The following BROX variants were observed in gnomAD, a reference collection of about 807,000 sequenced individuals.
BROX encodes BRO1 domain-containing protein BROX.
A neutral mutation model predicts 61.0 loss-of-function variants in BROX; 53 were observed. The observed-to-expected ratio is 0.87, with a 90% CI of 0.70 to 1.09. BROX has a LOEUF of 1.09. Ranked by LOEUF, BROX falls within the 50% of genes least tolerant of loss-of-function variation. BROX has a pLI of 0.00. For missense variants in BROX, 489 were observed against 472.0 expected, an observed-to-expected ratio of 1.04 and a Z score of -0.33; for synonymous variants, 152 against 160.2, an observed-to-expected ratio of 0.95 and a Z score of 0.38.
chr1:222,723,642 A>G (rs962136707), intron 5 of BROX, among the ~76,000 whole-genome samples: 1 of 152,182 alleles, frequency 6.6e-6, no homozygotes, highest in Non-Finnish European at 1.5e-5. Context: ...TACATTTCAT[A>G]TGCATTTGCT....
chr1:222,729,271 A>G (rs1296971201), intron 9 of BROX, among the ~76,000 whole-genome samples: 1 of 152,214 alleles, frequency 6.6e-6, no homozygotes, highest in African/African-American at 2.4e-5. Context: ...ATATCATATG[A>G]GAGATCATCA....
At chr1:222,714,412 A>G (rs1280944000) in intron 1 of BROX, among the ~76,000 whole-genome samples, 1 of 149,230 alleles carries the variant, frequency 6.7e-6, no homozygotes, top group African/African-American at 2.5e-5. Flanking sequence ...GTTAGCCAGG[A>G]TGGTCTCGAT....
At position 222,730,173 on chromosome 1, in the gene BROX, T is replaced by A. The variant is rs758606127; in HGVS notation, c.985T>A (p.Phe329Ile). The A allele has an allele frequency of 1.3e-6, 2 of 1,596,472 alleles. No individual in the cohort carries two copies. The highest frequency in any genetic ancestry group is 3.4e-5 in the Admixed American group (2 of 58,964). Residue 329 changes from phenylalanine (F) to isoleucine (I), a missense_variant, in exon 11 of 13, where the codon TTT becomes ATT. Physicochemically the swap from Phe to Ile is conservative, Grantham distance 21. Coordinates refer to ENST00000340934, the MANE Select transcript of BROX (RefSeq NM_144695.4). ...TLEKCQRENGFIYFQKIPTEA... is the reference protein window; with the variant it reads ...TLEKCQRENGIIYFQKIPTEA... The stretch of plus-strand genomic sequence containing the variant: ...AGAAAAATGTCAGAGAGAAAATGGA[T>A]TTATGTGAGTACAGTTTAATATTAC...
At chr1:222,715,214 TC>T (rs2124992240) in intron 1 of BROX, 1 of 152,346 alleles carries the variant, frequency 6.6e-6, no homozygotes, top group East Asian at 1.9e-4. Flanking sequence ...GCATCTCAGG[TC>T]CTGCCCCAGG....
At chr1:222,730,353 T>C (rs1178315759) in intron 11 of BROX, among the ~76,000 whole-genome samples, 176 bp downstream of exon 11, 1 of 152,174 alleles carries the variant, frequency 6.6e-6, no homozygotes, top group Non-Finnish European at 1.5e-5. Flanking sequence ...CCCAGCACTC[T>C]GGGAGGTCAA....
Position 222,718,939 on chromosome 1 carries a change from C to T in BROX, c.116C>T (p.Ser39Phe). The change falls in exon 3 of 13, where the codon TCC becomes TTC. Residue 39 changes from serine to phenylalanine, a missense_variant. Coordinates refer to ENST00000340934, the MANE Select transcript of BROX (RefSeq NM_144695.4). ...ASKICNDLRS[S>F]RARLLELFTD... is the part of the protein sequence containing the mutation. ...TCTCTTATAAGTGACTTGAGGTCAT[C>T]CAGGGCACGACTCCTTGAACTGTTC... is the stretch of plus-strand genomic sequence containing the variant. The T allele has an allele frequency of 6.2e-7, 1 of 1,613,596 alleles. No homozygotes were observed. Among genetic ancestry groups the T allele is most frequent in the Non-Finnish European group, 8.5e-7 (1 of 1,179,696 alleles).
Position 222,728,788 on chromosome 1 carries a change from G to A in BROX, c.716G>A (p.Arg239Lys), listed in dbSNP as rs1657710326. The A allele has an allele frequency of 6.2e-7, 1 of 1,602,452 alleles. No homozygotes were observed. Among genetic ancestry groups the A allele is most frequent in the African/African-American group, 1.3e-5 (1 of 74,788 alleles). Residue 239 changes from arginine (R) to lysine (K), a missense_variant, in exon 9 of 13, where the codon AGA becomes AAA. Physicochemically the swap from Arg to Lys is conservative, Grantham distance 26. Transcript: ENST00000340934. ...SLEPAYSAKWRKYLHLKMCFY... is the reference protein window; with the variant it reads ...SLEPAYSAKWKKYLHLKMCFY... ...GAGCCTGCATATTCTGCCAAATGGAGAAAATATCTTCACTTGAAGATGTGT... is the reference window on the plus strand; with the variant it reads ...GAGCCTGCATATTCTGCCAAATGGAAAAAATATCTTCACTTGAAGATGTGT...
chr1:222,730,038 G>T lies in BROX; in HGVS notation c.850G>T (p.Ala284Ser). ...LQEAEKLYAKAEALCKEYGET... is the reference protein window; with the variant it reads ...LQEAEKLYAKSEALCKEYGET... ...TCTTTCACATGCAGTGTATGCAAAG[G>T]CAGAAGCACTGTGTAAAGAATATGG... The change falls in exon 11 of 13, where the codon GCA (alanine) becomes TCA (serine). Residue 284 changes from alanine to serine, a missense_variant. Coordinates refer to ENST00000340934, the MANE Select transcript of BROX (RefSeq NM_144695.4). The T allele has an allele frequency of 6.2e-7, 1 of 1,606,392 alleles. No homozygotes were observed. The highest frequency in any genetic ancestry group is 8.5e-7 in the Non-Finnish European group (1 of 1,177,566).
At chr1:222,725,590 A>G (rs1216694178) in intron 7 of BROX, 35 bp downstream of exon 7, 3 of 1,497,170 alleles carry the variant, frequency 2.0e-6, no homozygotes, top group Admixed American at 3.8e-5. Flanking sequence ...TTTAAATGAA[A>G]GTCTATATTG....
At chr1:222,713,183 T>A in intron 1 of BROX, 1 of 973,068 alleles carries the variant, frequency 1.0e-6, no homozygotes, top group Non-Finnish European at 1.2e-6. Flanking sequence ...CCATTGGTCA[T>A]TGGAGAGCTT....
intron 8 of BROX, 124 bp from the exon 9 acceptor site, chr1:222,728,619 T>A (rs1240329598): frequency 5.6e-6 from 3 of 532,494 alleles, no homozygotes; most frequent in East Asian, 2.9e-5. Context: ...TAAAAAAAAA[T>A]TAAATTCTTG....
intron 7 of BROX, 97 bp downstream of exon 7, chr1:222,725,652 G>A (rs1007061592): frequency 3.2e-6 from 3 of 947,292 alleles, no homozygotes; most frequent in South Asian, 3.6e-5. Context: ...GCTTATGCAT[G>A]TAGTCCCAGC....
Position 222,729,667 on chromosome 1 carries a change from T to C in BROX, c.804T>C (p.Gly268=). ...CTTTATTGGCTAGTGATAAATGCGGTGAAGCAATCAGGTCTCTCCAAGAAG... is the reference window on the plus strand; with the variant it reads ...CTTTATTGGCTAGTGATAAATGCGGCGAAGCAATCAGGTCTCTCCAAGAAG... ...GETLLASDKC[G]EAIRSLQEAE... is the part of the protein sequence containing the mutation. The change falls in exon 10 of 13, where the codon GGT becomes GGC. Residue 268 remains glycine (G), a synonymous_variant. Transcript: ENST00000340934. 1 of 1,612,968 alleles carries C rather than the reference T, an allele frequency of 6.2e-7. No individual in the cohort carries two copies. Among genetic ancestry groups the C allele is most frequent in the Non-Finnish European group, 8.5e-7 (1 of 1,179,208 alleles).
At chr1:222,729,832 G>A in intron 10 of BROX, 131 bp downstream of exon 10, 1 of 1,077,698 alleles carries the variant, frequency 9.3e-7, no homozygotes, top group Non-Finnish European at 1.3e-6. Flanking sequence ...CATAATTGGA[G>A]AAAAGAAAAA....
chr1:222,716,921 A>T (rs1276906857), intron 2 of BROX, among the ~76,000 whole-genome samples: 2 of 152,232 alleles, frequency 1.3e-5, no homozygotes, highest in African/African-American at 4.8e-5. Context: ...CTGATTGACT[A>T]ATTTGCCTTG....
chr1:222,725,328 C>T, intron 6 of BROX, 122 bp from the exon 7 acceptor site: 1 of 603,262 alleles, frequency 1.7e-6, no homozygotes, highest in Non-Finnish European at 2.9e-6. Flanking sequence ...TGTTTATACT[C>T]TGAATTTCTG....
In BROX at chr1:222,733,063, C is replaced by CTTTTTTTTT. The variant is rs796814438; in HGVS notation, c.*353_*361dup. Reference sequence around the variant, plus strand: ...AGGTATGTTTTTCTTTTTTCTTTTTCTTTTTTTTTTTTCTTTTTTTTTTTT... The same window carrying CTTTTTTTTT: ...AGGTATGTTTTTCTTTTTTCTTTTTCTTTTTTTTTTTTTTTTTTTTTCTTTTTTTTTTTT... On this transcript the variant is annotated 3_prime_UTR_variant, in exon 13 of 13. Transcript: ENST00000340934. The CTTTTTTTTT allele has an allele frequency of 3.8e-5, 4 of 104,884 alleles. No homozygotes were observed. Among genetic ancestry groups the CTTTTTTTTT allele is most frequent in the African/African-American group, 1.1e-4 (3 of 27,244 alleles). The allele number at this position is 104,884 out of a possible 1,614,324, so 6.5% of individuals were successfully genotyped here.
rs910277599 is a variant in BROX, at chr1:222,732,845, A to G, written c.*131A>G. The G allele has an allele frequency of 5.0e-5, 35 of 694,402 alleles. No homozygotes were observed. The highest frequency in any genetic ancestry group is 7.8e-5 in the Non-Finnish European group (33 of 423,630). 43.0% of individuals were successfully genotyped at this position (694,402 alleles called of 1,614,324 possible). ...TATATTCAGAGGGTTATCTGCCTTC[A>G]GCTTACTTGTTCTTAATTTTTAATA... On this transcript the variant is annotated 3_prime_UTR_variant, in exon 13 of 13. Transcript: ENST00000340934.
At chr1:222,715,304 T>A (rs1219346899) in intron 1 of BROX, 1 of 152,634 alleles carries the variant, frequency 6.6e-6, no homozygotes, top group Non-Finnish European at 1.5e-5. Context: ...TAAACATTAC[T>A]GCTCCTATAT....
Sources: gnomAD v4.1 joint callset for allele counts (sites outside exome capture counted in the v4.1 genomes callset) on GRCh38, gnomAD v4.1.1 for gene constraint, MANE v1.5 for transcripts, NCBI Gene and HGNC (gene_info 2026-07-23, HGNC 2026-07-21) for gene names.